Variants in LRRD1 observed in about 807,000 individuals in gnomAD.
The protein encoded by LRRD1 is leucine-rich repeat and death domain-containing protein 1.
LRRD1 carries 49 observed loss-of-function variants against 69.5 expected under a neutral mutation model. The ratio of observed to expected loss-of-function variants is 0.70; its 90% confidence interval spans 0.56 to 0.89. The LOEUF (loss-of-function observed/expected upper bound fraction) is 0.89, where lower values mean the gene tolerates loss of function less well. Ranked by LOEUF, LRRD1 falls within the 40% of genes least tolerant of loss-of-function variation. The pLI is 0.00. For missense variants in LRRD1, 853 were observed against 956.0 expected, an observed-to-expected ratio of 0.89 and a Z score of 1.42; for synonymous variants, 303 against 338.9, an observed-to-expected ratio of 0.89 and a Z score of 1.16.
chr7:92,162,308 T>C (rs1788808208), intron 2 of LRRD1, among the ~76,000 whole-genome samples: 1 of 152,204 alleles, frequency 6.6e-6, no homozygotes, highest in African/African-American at 2.4e-5. Context: ...TCATTGTTAT[T>C]CTTTAAGAGA....
intron 1 of LRRD1, among the ~76,000 whole-genome samples, chr7:92,171,879 T>A (rs550682285): frequency 6.6e-6 from 1 of 152,324 alleles, no homozygotes; most frequent in East Asian, 1.9e-4. Flanking sequence ...TGAAAATCAA[T>A]AAACATGATA....
At chr7:92,145,440 T>C (rs932292802) in intron 5 of LRRD1, among the ~76,000 whole-genome samples, 1 of 132,568 alleles carries the variant, frequency 7.5e-6, no homozygotes, top group Non-Finnish European at 1.6e-5. Context: ...TACTATATGC[T>C]TTTTTTTTTT....
rs189852326 is a variant in LRRD1 at position 92,165,916 on chromosome 7, A to G, written c.-74-640T>C. ...TAAAAGGGAGAGCCAGTGGCCTACC[A>G]TGACAGGTAAAGAGTACCATTCTCA... On this transcript the variant is annotated intron_variant, in intron 1 of 5. Transcript: ENST00000458448. Among the ~76,000 whole-genome samples the G allele has an allele frequency of 5.3e-5, 8 of 151,842 alleles. No homozygotes were observed. In the East Asian group the frequency reaches 1.6e-3, roughly 29 times the overall value.
chr7:92,174,499 A>ATT (rs1458532730), intron 1 of LRRD1, among the ~76,000 whole-genome samples: 2 of 18,758 alleles, frequency 1.1e-4, no homozygotes, highest in Admixed American at 4.8e-4. Flanking sequence ...ATATATATAT[A>ATT]TATATATATA....
At chr7:92,149,806 G>A (rs1820420415) in intron 4 of LRRD1, 2 of 356,110 alleles carry the variant, frequency 5.6e-6, no homozygotes, top group Admixed American at 2.7e-5. Context: ...TCCTGCCTTG[G>A]CCTCCCAAAG....
chr7:92,176,404 A>G (rs1789198577), intron 1 of LRRD1, among the ~76,000 whole-genome samples: 2 of 152,172 alleles, frequency 1.3e-5, no homozygotes, highest in African/African-American at 4.8e-5. Context: ...CAATATTCTA[A>G]GTATTGACAG....
downstream of LRRD1, among the ~76,000 whole-genome samples, chr7:92,143,674 G>C (rs6975248): frequency 6.6e-6 from 1 of 152,006 alleles, no homozygotes; most frequent in Admixed American, 6.5e-5. Context: ...CGCAAGCACC[G>C]CGTGCAGCCC....
Position 92,163,524 on chromosome 7 carries a change from A to T in LRRD1, c.1679T>A (p.Val560Glu). 3 of 1,529,272 alleles carry T rather than the reference A, an allele frequency of 2.0e-6. No homozygotes were observed. Among genetic ancestry groups the T allele is most frequent in the Non-Finnish European group, 2.6e-6 (3 of 1,139,202 alleles). The allele number at this position is 1,529,272 out of a possible 1,614,324, so 94.7% of individuals were successfully genotyped here. The change falls in exon 2 of 6, where the codon GTA becomes GAA. Residue 560 changes from valine (V) to glutamate (E), a missense_variant. This residue lies in a region of LRRD1 where 739 missense variants were observed against 808.0 expected (regional missense o/e 0.91). Transcript: ENST00000458448. The stretch of plus-strand genomic sequence containing the variant: ...AAATTTATTACAGCATAAAATAAGT[A>T]CGTGGAGTGATATCATATTAGAAAT... ...ASISNMISLH[V>E]LILCCNKFET...
intron 5 of LRRD1, 65 bp downstream of exon 5, chr7:92,146,018 A>G: frequency 1.2e-6 from 1 of 821,336 alleles, no homozygotes; most frequent in South Asian, 2.3e-5. Context: ...AAAACCATGC[A>G]ATATCAACAT....
downstream of LRRD1, chr7:92,142,964 C>A: frequency 7.8e-6 from 2 of 257,810 alleles, no homozygotes; most frequent in Non-Finnish European, 7.8e-6. Flanking sequence ...CCACTGCTGG[C>A]TCAGGCAGCC....
At chr7:92,176,297 A>G (rs1203229231) in intron 1 of LRRD1, among the ~76,000 whole-genome samples, 1 of 152,166 alleles carries the variant, frequency 6.6e-6, no homozygotes, top group Non-Finnish European at 1.5e-5. Flanking sequence ...AGAAACTACT[A>G]CTAATTTTTA....
At chr7:92,166,049 C>T (rs78325353) in intron 1 of LRRD1, among the ~76,000 whole-genome samples, 12,267 of 151,998 alleles carry the variant, frequency 0.081, 530 homozygotes, top group African/African-American at 0.11. Flanking sequence ...AGGAAGGGTA[C>T]GCTTTCTGTA....
chr7:92,166,541 A>T (rs1453807659), intron 1 of LRRD1, among the ~76,000 whole-genome samples: 1 of 152,244 alleles, frequency 6.6e-6, no homozygotes, highest in Non-Finnish European at 1.5e-5. Flanking sequence ...ACATTAGGGA[A>T]TTATTCTAAA....
chr7:92,151,483 G>C (rs1489844589), intron 3 of LRRD1, among the ~76,000 whole-genome samples: 1 of 152,116 alleles, frequency 6.6e-6, no homozygotes, highest in Non-Finnish European at 1.5e-5. Context: ...TTATCGCTTG[G>C]ATAACACAGT....
chr7:92,144,859 G>A lies in LRRD1; in HGVS notation c.*29C>T. 7.3e-7 allele frequency: 1 copy of A among 1,367,948 alleles called. No individual in the cohort carries two copies. The highest frequency in any genetic ancestry group is 9.8e-7 in the Non-Finnish European group (1 of 1,022,672). The allele number at this position is 1,367,948 out of a possible 1,614,324, so 84.7% of individuals were successfully genotyped here. A position where few individuals can be genotyped will look rare whatever the true frequency, so the allele number is the denominator to read the frequency against. On this transcript the variant is annotated 3_prime_UTR_variant, in exon 6 of 6. Transcript: ENST00000458448. ...AGTTTCAATTATAAGTGCATCAAAA[G>A]TTTTCAGTTTTTATTATTGATCCAC...
Position 92,164,863 on chromosome 7 carries a change from C to G in LRRD1, c.340G>C (p.Val114Leu). The G allele has an allele frequency of 2.6e-6, 4 of 1,551,562 alleles. No individual in the cohort carries two copies. Among genetic ancestry groups the G allele is most frequent in the South Asian group, 1.2e-5 (1 of 84,068 alleles). Residue 114 changes from valine to leucine, a missense_variant, in exon 2 of 6, where the codon GTT becomes CTT. Physicochemically the swap from Val to Leu is conservative, Grantham distance 32. Transcript: ENST00000458448. ...TGRTAEYQAL[V>L]NFLSHETVGE... is the part of the protein sequence containing the mutation. ...ACTGTTTCATGAGATAGGAAGTTAA[C>G]CAAAGCCTGATATTCTGCAGTCCTC...
chr7:92,149,989 C>A, intron 4 of LRRD1: 1 of 432,364 alleles, frequency 2.3e-6, no homozygotes, highest in South Asian at 1.7e-5. Flanking sequence ...AGGAAACAGC[C>A]CACCCCTCCT....
At chr7:92,178,632 T>C (rs1488966362) in intron 1 of LRRD1, among the ~76,000 whole-genome samples, 1 of 152,134 alleles carries the variant, frequency 6.6e-6, no homozygotes, top group Admixed American at 6.5e-5. Context: ...ATTGCACCAC[T>C]GCACTCCAGC....
At chr7:92,169,968 G>A (rs1429464261) in intron 1 of LRRD1, among the ~76,000 whole-genome samples, 1 of 152,002 alleles carries the variant, frequency 6.6e-6, no homozygotes, top group African/African-American at 2.4e-5. Flanking sequence ...CACTTGGAAG[G>A]CTGAGGTGGG....
Sources: gnomAD v4.1 joint callset for allele counts (sites outside exome capture counted in the v4.1 genomes callset) on GRCh38, gnomAD v4.1.1 for gene constraint, gnomAD v4.1.1 regional missense constraint, MANE v1.5 for transcripts, NCBI Gene and HGNC (gene_info 2026-07-23, HGNC 2026-07-21) for gene names.